Variants in UACA observed in about 807,000 individuals in gnomAD.
The protein encoded by UACA is uveal autoantigen with coiled-coil domains and ankyrin repeats.
In UACA, 112 loss-of-function variants were observed where a neutral mutation model predicts 160.5. The ratio of observed to expected loss-of-function variants is 0.70; its 90% confidence interval spans 0.60 to 0.82. The LOEUF is 0.82. Ranked by LOEUF, UACA falls within the 40% of genes least tolerant of loss-of-function variation. UACA has a pLI of 0.00. For synonymous variants in UACA, 557 were observed against 568.4 expected (o/e 0.98, Z 0.29); for missense variants, 1,574 against 1,614.6 (o/e 0.97, Z 0.43).
At chr15:70,723,092 C>T (rs902445100) in intron 1 of UACA, among the ~76,000 whole-genome samples, 2 of 152,150 alleles carry the variant, frequency 1.3e-5, no homozygotes, top group African/African-American at 4.8e-5. Flanking sequence ...TCCCCCTGAG[C>T]GTCAGTTTCC....
intron 9 of UACA, 75 bp downstream of exon 9, chr15:70,682,679 GCTAA>G (rs1305967017): frequency 1.2e-6 from 1 of 807,492 alleles, no homozygotes; most frequent in African/African-American, 1.8e-5. Flanking sequence ...GAATAGTTAT[GCTAA>G]CTATTAACTA....
chr15:70,709,792 A>G (rs1898627197), intron 1 of UACA, among the ~76,000 whole-genome samples: 1 of 152,238 alleles, frequency 6.6e-6, no homozygotes, highest in Admixed American at 6.5e-5. Context: ...GAAATACCTT[A>G]TACTGTTTAA....
intron 11 of UACA, among the ~76,000 whole-genome samples, chr15:70,677,828 CA>C (rs1314724667): frequency 6.6e-6 from 1 of 152,156 alleles, no homozygotes. Flanking sequence ...CAAAATTCAA[CA>C]GAAGTACCAT....
chr15:70,728,775 T>C (rs1447228148), intron 1 of UACA, among the ~76,000 whole-genome samples: 2 of 151,544 alleles, frequency 1.3e-5, no homozygotes, highest in African/African-American at 2.4e-5. Flanking sequence ...CAGGAGAAAA[T>C]AGTCACAAAC....
chr15:70,699,638 T>C lies in UACA; in HGVS notation c.101A>G (p.Tyr34Cys). ...TGCTGCTTTCATCAATCGGTCATCATATTTATTCCAATCTGCTGCATGCTA... is the reference window on the plus strand; with the variant it reads ...TGCTGCTTTCATCAATCGGTCATCACATTTATTCCAATCTGCTGCATGCTA... ...ASAHAADWNK[Y>C]DDRLMKAAER... Residue 34 changes from tyrosine to cysteine, a missense_variant, in exon 2 of 19, where the codon TAT becomes TGT. Tyr to Cys is a radical substitution (Grantham distance 194). Coordinates refer to ENST00000322954, the MANE Select transcript of UACA (RefSeq NM_018003.4). 1 of 1,611,646 alleles carries C rather than the reference T, an allele frequency of 6.2e-7. No homozygotes were observed. Among genetic ancestry groups the C allele is most frequent in the Non-Finnish European group, 8.5e-7 (1 of 1,179,374 alleles).
intron 9 of UACA, among the ~76,000 whole-genome samples, chr15:70,680,437 G>A (rs1447011687): frequency 6.6e-6 from 1 of 151,840 alleles, no homozygotes; most frequent in Non-Finnish European, 1.5e-5. Flanking sequence ...ATTTTCTCAT[G>A]TTTTGTATTA....
chr15:70,725,808 A>T (rs1367210065), intron 1 of UACA, among the ~76,000 whole-genome samples: 1 of 152,198 alleles, frequency 6.6e-6, no homozygotes, highest in Non-Finnish European at 1.5e-5. Context: ...AAACAATCCA[A>T]GGAAGATGAA....
chr15:70,700,181 C>T (rs1305192088), intron 1 of UACA, among the ~76,000 whole-genome samples: 1 of 151,712 alleles, frequency 6.6e-6, no homozygotes, highest in African/African-American at 2.4e-5. Context: ...GCTCTGGTTA[C>T]ATAGCTCCTA....
chr15:70,666,181 A>G lies in UACA; in HGVS notation c.3960+543T>C, dbSNP rs138420480. Among the ~76,000 whole-genome samples the G allele has an allele frequency of 7.9e-5, 12 of 152,302 alleles. No homozygotes were observed. The East Asian group carries it at 2.1e-3, about 27-fold the overall frequency. ...TAGATTGGACAGTGAGGGCTTTAAGAAGGAGGATAACATGTTAATGAATGT... is the reference window on the plus strand; with the variant it reads ...TAGATTGGACAGTGAGGGCTTTAAGGAGGAGGATAACATGTTAATGAATGT... On this transcript the variant is annotated intron_variant, in intron 16 of 18. Coordinates refer to ENST00000322954, the MANE Select transcript of UACA (RefSeq NM_018003.4).
intron 18 of UACA, among the ~76,000 whole-genome samples, chr15:70,659,184 G>A (rs891796947): frequency 5.9e-5 from 9 of 152,034 alleles, no homozygotes; most frequent in Non-Finnish European, 1.3e-4. Flanking sequence ...TCAAAAGAGA[G>A]TAGCTAAGAT....
At chr15:70,707,566 A>G (rs1898557117) in intron 1 of UACA, among the ~76,000 whole-genome samples, 1 of 152,160 alleles carries the variant, frequency 6.6e-6, no homozygotes, top group Non-Finnish European at 1.5e-5. Flanking sequence ...AATTACTATG[A>G]CTCAACAACA....
At chr15:70,736,414 T>C (rs917191235) in intron 1 of UACA, among the ~76,000 whole-genome samples, 9 of 152,326 alleles carry the variant, frequency 5.9e-5, no homozygotes, top group Non-Finnish European at 1.3e-4. Context: ...CTGATTTTAA[T>C]AGAATGCTTA....
chr15:70,775,036 G>A, the UACA span, among the ~76,000 whole-genome samples: 1 of 152,068 alleles, frequency 6.6e-6, no homozygotes, highest in Non-Finnish European at 1.5e-5. Context: ...TCCAGCCTGG[G>A]TAAAAGAGTG....
chr15:70,729,454 T>C (rs1478482511), intron 1 of UACA, among the ~76,000 whole-genome samples: 1 of 152,168 alleles, frequency 6.6e-6, no homozygotes, highest in African/African-American at 2.4e-5. Flanking sequence ...AAATCCCACA[T>C]GTTCCTGCTT....
chr15:70,706,870 A>G (rs1317586428), intron 1 of UACA, among the ~76,000 whole-genome samples: 1 of 152,234 alleles, frequency 6.6e-6, no homozygotes, highest in Non-Finnish European at 1.5e-5. Flanking sequence ...AATACCACCC[A>G]AGGCAATCCA....
chr15:70,670,913 T>A (rs1356330512), intron 15 of UACA, 126 bp downstream of exon 15: 2 of 447,058 alleles, frequency 4.5e-6, no homozygotes, highest in Non-Finnish European at 7.8e-6. Context: ...CAACTTGTCT[T>A]TGATAATGAA....
intron 1 of UACA, among the ~76,000 whole-genome samples, chr15:70,706,737 T>C (rs1405691559): frequency 6.6e-6 from 1 of 152,130 alleles, no homozygotes; most frequent in African/African-American, 2.4e-5. Flanking sequence ...GGAATAAGCC[T>C]AGTCAATTAG....
At chr15:70,691,816 G>T (rs1229284163) in intron 3 of UACA, among the ~76,000 whole-genome samples, 1 of 152,158 alleles carries the variant, frequency 6.6e-6, no homozygotes, top group African/African-American at 2.4e-5. Flanking sequence ...CATAGAAAGG[G>T]TATTCCTTAA....
intron 1 of UACA, among the ~76,000 whole-genome samples, chr15:70,735,160 A>AAAAATTCTC (rs1380124074): frequency 9.4e-6 from 1 of 106,732 alleles, no homozygotes; most frequent in Non-Finnish European, 2.1e-5. Flanking sequence ...AAAAAAAAAA[A>AAAAATTCTC]AAAAAAAAAA....
Sources: allele counts gnomAD v4.1 joint callset (sites outside exome capture counted in the v4.1 genomes callset), GRCh38; gene constraint gnomAD v4.1.1; transcripts MANE v1.5; gene names NCBI Gene and HGNC (gene_info 2026-07-23, HGNC 2026-07-21).